Variants in BHMT observed in about 807,000 individuals in gnomAD.
BHMT encodes betaine--homocysteine S-methyltransferase 1.
A neutral mutation model predicts 49.5 loss-of-function variants in BHMT; 38 were observed. That is an observed-to-expected ratio of 0.77 (90% CI 0.59 to 1.01). The LOEUF (loss-of-function observed/expected upper bound fraction) is 1.01, where lower values mean the gene tolerates loss of function less well. Among genes scored for constraint, BHMT ranks in the 50% least tolerant of loss-of-function variants. The probability of loss-of-function intolerance (pLI) is 0.00; values close to 1 mark genes in which losing one functional copy is unlikely to be tolerated. For missense variants in BHMT, 426 were observed against 495.7 expected (o/e 0.86, Z 1.34); for synonymous variants, 166 against 176.3 (o/e 0.94, Z 0.46).
intron 2 of BHMT, among the ~76,000 whole-genome samples, chr5:79,117,335 A>C (rs1290818406): frequency 2.0e-5 from 3 of 152,144 alleles, no homozygotes; most frequent in Non-Finnish European, 4.4e-5. Context: ...CCAGAAACCT[A>C]GTATATAGGC....
At chr5:79,120,312 A>G (rs368232444) in intron 3 of BHMT, 38 bp from the exon 4 acceptor site, 3 of 1,509,462 alleles carry the variant, frequency 2.0e-6, no homozygotes, top group South Asian at 1.3e-5. Flanking sequence ...TCAATTTCAC[A>G]TGAAAATTTA....
chr5:79,115,934 G>A, intron 2 of BHMT, 35 bp downstream of exon 2: 1 of 1,572,754 alleles, frequency 6.4e-7, no homozygotes, highest in African/African-American at 1.4e-5. Flanking sequence ...TTCTCATAAA[G>A]GAGCCGGGTG....
intron 2 of BHMT, among the ~76,000 whole-genome samples, chr5:79,117,109 G>A (rs1470764337): frequency 1.3e-5 from 2 of 152,232 alleles, no homozygotes; most frequent in Non-Finnish European, 2.9e-5. Flanking sequence ...TTAGAAGCAT[G>A]ATGAATAATC....
intron 4 of BHMT, among the ~76,000 whole-genome samples, 199 bp from the exon 5 acceptor site, chr5:79,121,019 C>T (rs1258463124): frequency 1.3e-5 from 2 of 151,884 alleles, no homozygotes; most frequent in Admixed American, 6.6e-5. Flanking sequence ...GGCGTGGTGG[C>T]GGGCGCCTGT....
chr5:79,118,058 C>T (rs1561252770), intron 2 of BHMT, among the ~76,000 whole-genome samples: 1 of 152,138 alleles, frequency 6.6e-6, no homozygotes, highest in Non-Finnish European at 1.5e-5. Context: ...TTTTAATTTG[C>T]AGGGGATCTA....
At chr5:79,117,351 A>G (rs543183640) in intron 2 of BHMT, among the ~76,000 whole-genome samples, 100 of 152,262 alleles carry the variant, frequency 6.6e-4, no homozygotes, top group African/African-American at 2.3e-3. Context: ...TAGGCCTTTC[A>G]GCCCTCTCCA....
intron 5 of BHMT, among the ~76,000 whole-genome samples, chr5:79,124,086 G>A (rs922653638): frequency 5.9e-5 from 9 of 152,070 alleles, no homozygotes; most frequent in African/African-American, 2.2e-4. Flanking sequence ...TCTAGAATGG[G>A]CAAATCCACA....
chr5:79,113,125 A>G (rs916944216), intron 1 of BHMT, among the ~76,000 whole-genome samples: 1 of 152,244 alleles, frequency 6.6e-6, no homozygotes, highest in African/African-American at 2.4e-5. Context: ...AAGAAGGTCA[A>G]TTCGGTTACA....
Position 79,131,014 on chromosome 5 carries a change from G to C in BHMT, c.1119G>C (p.Trp373Cys), listed in dbSNP as rs969348527. The change falls in exon 8 of 8, where the codon TGG (tryptophan) becomes TGC (cysteine). Residue 373 changes from tryptophan (W) to cysteine (C), a missense_variant. Physicochemically the swap from Trp to Cys is radical, Grantham distance 215. Transcript: ENST00000274353. ...CTTCAATGTCAAAGCCAGATGGCTGGGGAGTGACCAAAGGAACAGCCGAGC... is the reference window on the plus strand; with the variant it reads ...CTTCAATGTCAAAGCCAGATGGCTGCGGAGTGACCAAAGGAACAGCCGAGC... ...YNPSMSKPDG[W>C]GVTKGTAELM... 2.5e-6 allele frequency: 4 copies of C among 1,613,960 alleles called. No individual in the cohort carries two copies. Among genetic ancestry groups the C allele is most frequent in the Non-Finnish European group, 3.4e-6 (4 of 1,179,986 alleles).
intron 2 of BHMT, among the ~76,000 whole-genome samples, chr5:79,116,639 G>C (rs781299957): frequency 3.3e-5 from 5 of 152,122 alleles, no homozygotes; most frequent in Non-Finnish European, 7.4e-5. Context: ...TGACCTTTTA[G>C]AGTTTGCTGT....
chr5:79,119,563 G>T lies in BHMT; in HGVS notation c.285+186G>T. The stretch of plus-strand genomic sequence containing the variant: ...TGGAATCCCCAAAATTAACAAAGAG[G>T]CATTTAGCGAAGCAGATGAAGAAGA... On this transcript the variant is annotated intron_variant, in intron 3 of 7. Coordinates refer to ENST00000274353, the MANE Select transcript of BHMT (RefSeq NM_001713.3). 6.3e-6 allele frequency: 3 copies of T among 473,080 alleles called. No individual in the cohort carries two copies. In the South Asian group the frequency reaches 1.1e-4, roughly 18 times the overall value. 29.3% of individuals were successfully genotyped at this position (473,080 alleles called of 1,614,324 possible). A position where few individuals can be genotyped will look rare whatever the true frequency, so the allele number is the denominator to read the frequency against.
chr5:79,115,167 T>C (rs1353893066), intron 1 of BHMT, among the ~76,000 whole-genome samples: 1 of 152,094 alleles, frequency 6.6e-6, no homozygotes, highest in Non-Finnish European at 1.5e-5. Flanking sequence ...AGTCTTAAAA[T>C]AAAATGGCTT....
intron 6 of BHMT, 155 bp downstream of exon 6, chr5:79,126,383 C>A: frequency 2.5e-6 from 2 of 807,484 alleles, no homozygotes; most frequent in South Asian, 1.9e-5. Flanking sequence ...CAGCCAAAAG[C>A]CCCTTCGTAT....
chr5:79,127,746 T>A lies in BHMT; in HGVS notation c.809-9T>A, dbSNP rs2112732272. ...ATAATGCCTAATGGCATAATGCCACTTATTACAGGACTGGAACCCAGAGTT... is the reference window on the plus strand; with the variant it reads ...ATAATGCCTAATGGCATAATGCCACATATTACAGGACTGGAACCCAGAGTT... On this transcript the variant is annotated splice_polypyrimidine_tract_variant and intron_variant, in intron 6 of 7. Transcript: ENST00000274353. 1 of 1,613,902 alleles carries A rather than the reference T, an allele frequency of 6.2e-7. No individual in the cohort carries two copies. The highest frequency in any genetic ancestry group is 8.5e-7 in the Non-Finnish European group (1 of 1,179,854).
At chr5:79,121,514 G>A in intron 5 of BHMT, 149 bp downstream of exon 5, 2 of 1,237,492 alleles carry the variant, frequency 1.6e-6, no homozygotes, top group Non-Finnish European at 2.2e-6. Flanking sequence ...TTGAATCCCA[G>A]AGGAAAAGTT....
Position 79,130,609 on chromosome 5 carries a change from C to A in BHMT, c.1038-324C>A, listed in dbSNP as rs117463751. On this transcript the variant is annotated intron_variant, in intron 7 of 7. Coordinates refer to ENST00000274353, the MANE Select transcript of BHMT (RefSeq NM_001713.3). ...TGATGCTACTGTGCTGCTTAGTTAC[C>A]CTGAGCACATGATTTTTTCACTGTG... Among the ~76,000 whole-genome samples, 196 of 151,274 alleles carry A rather than the reference C, an allele frequency of 1.3e-3. 3 individuals carry two copies. The highest frequency in any genetic ancestry group is 0.011 in the East Asian group (57 of 5,092).
At chr5:79,119,144 T>G in intron 2 of BHMT, 115 bp from the exon 3 acceptor site, 1 of 833,100 alleles carries the variant, frequency 1.2e-6, no homozygotes, top group Non-Finnish European at 1.9e-6. Context: ...GATGTGCAAA[T>G]GTCAAGCAAC....
At chr5:79,123,879 C>A (rs370968729) in intron 5 of BHMT, among the ~76,000 whole-genome samples, 3 of 152,040 alleles carry the variant, frequency 2.0e-5, no homozygotes, top group Non-Finnish European at 4.4e-5. Context: ...GGGGTGGAAA[C>A]AATCTCAGAG....
At chr5:79,126,005 C>A in intron 5 of BHMT, 41 bp from the exon 6 acceptor site, 1 of 1,558,894 alleles carries the variant, frequency 6.4e-7, no homozygotes, top group Non-Finnish European at 8.7e-7. Context: ...CTGCTGGTTT[C>A]TGGTGCATCC....
Sources: allele counts gnomAD v4.1 joint callset (sites outside exome capture counted in the v4.1 genomes callset), GRCh38; gene constraint gnomAD v4.1.1; transcripts MANE v1.5; gene names NCBI Gene and HGNC (gene_info 2026-07-23, HGNC 2026-07-21).